The following PDE10A variants were observed in gnomAD, a reference collection of about 807,000 sequenced individuals.
PDE10A encodes cAMP and cAMP-inhibited cGMP 3',5'-cyclic phosphodiesterase 10A.
In PDE10A, 39 loss-of-function variants were observed where a neutral mutation model predicts 97.7. That is an observed-to-expected ratio of 0.40 (90% CI 0.31 to 0.52). The LOEUF is 0.52. PDE10A is among the 20% of genes least tolerant of loss of function. The pLI, the probability that PDE10A is intolerant of heterozygous loss-of-function variation, is 0.56. For missense variants in PDE10A, 731 were observed against 1,047.8 expected (o/e 0.70, Z 4.17); for synonymous variants, 371 against 376.8 (o/e 0.98, Z 0.18).
intron 1 of PDE10A, among the ~76,000 whole-genome samples, chr6:165,726,916 G>T (rs1225544232): frequency 6.6e-6 from 1 of 152,192 alleles, no homozygotes; most frequent in Non-Finnish European, 1.5e-5. Context: ...GCTCAAATGT[G>T]TCCCAAACCA....
In PDE10A at chr6:165,330,744, A is replaced by G. The variant is rs1781295246; in HGVS notation, c.*2281T>C. ...ATTCCTAACTCCATAATTATTTTCT[A>G]TATTAAAAAACAGAATTCATACATT... On this transcript the variant is annotated 3_prime_UTR_variant, in exon 22 of 22. Coordinates refer to ENST00000539869, the MANE Select transcript of PDE10A (RefSeq NM_001385079.1). 6.6e-6 allele frequency: 1 copy of G among 152,180 alleles called. No homozygotes were observed. The highest frequency in any genetic ancestry group is 1.5e-5 in the Non-Finnish European group (1 of 68,004). The allele number at this position is 152,180 out of a possible 1,614,324, so 9.4% of individuals were successfully genotyped here.
chr6:165,893,486 A>G (rs903091862), intron 1 of PDE10A, among the ~76,000 whole-genome samples: 1 of 152,244 alleles, frequency 6.6e-6, no homozygotes, highest in Non-Finnish European at 1.5e-5. Context: ...GATAGCTATA[A>G]TGGCTAGAAT....
intron 13 of PDE10A, 52 bp from the exon 14 acceptor site, chr6:165,396,511 C>A (rs766145629): frequency 6.5e-7 from 1 of 1,540,842 alleles, no homozygotes; most frequent in Non-Finnish European, 8.8e-7. Context: ...AATATTTAAA[C>A]TGTTTTGTCA....
At chr6:165,366,757 A>T (rs1306655826) in intron 18 of PDE10A, among the ~76,000 whole-genome samples, 1 of 152,190 alleles carries the variant, frequency 6.6e-6, no homozygotes, top group Non-Finnish European at 1.5e-5. Flanking sequence ...GAATTCATAC[A>T]AATCCCTGAC....
intron 18 of PDE10A, among the ~76,000 whole-genome samples, chr6:165,362,937 T>G (rs1286466834): frequency 6.6e-6 from 1 of 152,142 alleles, no homozygotes; most frequent in African/African-American, 2.4e-5. Context: ...TAATGCACCT[T>G]ACTAATAGAA....
At chr6:165,505,583 T>A (rs932346102) in intron 2 of PDE10A, among the ~76,000 whole-genome samples, 2 of 152,152 alleles carry the variant, frequency 1.3e-5, no homozygotes, top group East Asian at 3.8e-4. Context: ...TAAAAATGAG[T>A]TGAACTGATG....
At chr6:165,962,636 A>T (rs1240347470) in intron 1 of PDE10A, among the ~76,000 whole-genome samples, 1 of 152,194 alleles carries the variant, frequency 6.6e-6, no homozygotes, top group Non-Finnish European at 1.5e-5. Context: ...TTATAACATG[A>T]CTTGAGGACA....
chr6:165,439,309 G>A (rs561381335), intron 5 of PDE10A, among the ~76,000 whole-genome samples: 59 of 152,192 alleles, frequency 3.9e-4, no homozygotes, highest in African/African-American at 1.3e-3. Flanking sequence ...CTCTACTACT[G>A]TATAAATATA....
rs114232065 is a variant in PDE10A at position 165,338,525 on chromosome 6, A to T, written c.2976+753T>A. ...AAAGCAAAATAAATTATGTAGTATGACCTGAAAAGAGGATAATTAATGTCA... is the reference window on the plus strand; with the variant it reads ...AAAGCAAAATAAATTATGTAGTATGTCCTGAAAAGAGGATAATTAATGTCA... On this transcript the variant is annotated intron_variant, in intron 20 of 21. Coordinates refer to ENST00000539869, the MANE Select transcript of PDE10A (RefSeq NM_001385079.1). Among the ~76,000 whole-genome samples, 1,061 of 152,320 alleles carry T rather than the reference A, an allele frequency of 7.0e-3. 9 individuals are homozygous for T. The highest frequency in any genetic ancestry group is 0.023 in the African/African-American group (964 of 41,572).
At chr6:165,409,229 A>G (rs1399630508) in intron 13 of PDE10A, among the ~76,000 whole-genome samples, 1 of 150,794 alleles carries the variant, frequency 6.6e-6, no homozygotes, top group Non-Finnish European at 1.5e-5. Context: ...TGCACTGAAT[A>G]TATTTTCAAT....
At chr6:165,412,034 T>C (rs1176570886) in intron 13 of PDE10A, among the ~76,000 whole-genome samples, 8 of 152,006 alleles carry the variant, frequency 5.3e-5, no homozygotes, top group South Asian at 4.2e-4. Flanking sequence ...TTTTCAATTT[T>C]TTTTTTATTT....
At chr6:165,455,604 G>T (rs1048701365) in intron 3 of PDE10A, among the ~76,000 whole-genome samples, 1 of 152,186 alleles carries the variant, frequency 6.6e-6, no homozygotes, top group Non-Finnish European at 1.5e-5. Context: ...TTTACCTGTG[G>T]TAGCCACTCC....
At chr6:165,849,554 T>C (rs945183056) in intron 1 of PDE10A, among the ~76,000 whole-genome samples, 7 of 152,254 alleles carry the variant, frequency 4.6e-5, no homozygotes, top group Admixed American at 4.6e-4. Context: ...TTTTCCAATT[T>C]TGAGAAAAAC....
chr6:165,723,991 G>A (rs1792229612), intron 1 of PDE10A, among the ~76,000 whole-genome samples: 1 of 152,024 alleles, frequency 6.6e-6, no homozygotes, highest in Admixed American at 6.6e-5. Flanking sequence ...CCACAATCAG[G>A]GCTACTCCAG....
chr6:165,953,018 C>T (rs1224502943), intron 1 of PDE10A, among the ~76,000 whole-genome samples: 2 of 152,126 alleles, frequency 1.3e-5, no homozygotes, highest in African/African-American at 4.8e-5. Flanking sequence ...AGCAGGGAGA[C>T]TCATAAAATG....
chr6:165,683,216 G>T (rs1791024943), intron 1 of PDE10A, among the ~76,000 whole-genome samples: 1 of 152,200 alleles, frequency 6.6e-6, no homozygotes, highest in African/African-American at 2.4e-5. Flanking sequence ...GCGCTCTCCA[G>T]TGAGGAGTGG....
intron 18 of PDE10A, among the ~76,000 whole-genome samples, chr6:165,352,417 T>C (rs1307404492): frequency 6.6e-6 from 1 of 152,146 alleles, no homozygotes; most frequent in Non-Finnish European, 1.5e-5. Flanking sequence ...CTGTCATCCA[T>C]CAACTACCCA....
chr6:165,351,432 A>T (rs9459378), intron 18 of PDE10A, among the ~76,000 whole-genome samples: 12,593 of 152,142 alleles, frequency 0.083, 572 homozygotes, highest in Middle Eastern at 0.2. Flanking sequence ...GAAATTTTTT[A>T]AAAAAAATTA....
intron 1 of PDE10A, among the ~76,000 whole-genome samples, chr6:165,689,082 A>C (rs1185940218): frequency 6.6e-6 from 1 of 152,242 alleles, no homozygotes; most frequent in Non-Finnish European, 1.5e-5. Flanking sequence ...TGTAGAATTA[A>C]CCTTGGCATT....
Sources: allele counts gnomAD v4.1 joint callset (sites outside exome capture counted in the v4.1 genomes callset), GRCh38; gene constraint gnomAD v4.1.1; transcripts MANE v1.5; gene names NCBI Gene and HGNC (gene_info 2026-07-23, HGNC 2026-07-21).